C17orf67: variants seen among roughly 807,000 people sequenced by gnomAD.
The protein encoded by C17orf67 is uncharacterized protein C17orf67.
In C17orf67, 12 loss-of-function variants were observed where a neutral mutation model predicts 11.2. The observed-to-expected ratio is 1.07, with a 90% CI of 0.68 to 1.73. The LOEUF (loss-of-function observed/expected upper bound fraction) is 1.73, where lower values mean the gene tolerates loss of function less well. Ranked by LOEUF, C17orf67 falls within the 40% of genes most tolerant of loss-of-function variation. C17orf67 has a pLI of 0.00. For missense variants in C17orf67, 115 were observed against 113.5 expected (o/e 1.01, Z -0.06); for synonymous variants, 59 against 46.9 (o/e 1.26, Z -1.05).
At position 56,815,911 on chromosome 17, in the gene C17orf67, A is replaced by T; in HGVS notation, c.-101T>A. The T allele has an allele frequency of 6.3e-7, 1 of 1,591,262 alleles. No individual in the cohort carries two copies. The highest frequency in any genetic ancestry group is 8.6e-7 in the Non-Finnish European group (1 of 1,166,942). On this transcript the variant is annotated 5_prime_UTR_variant, in exon 5 of 8. Coordinates refer to ENST00000397861, the MANE Select transcript of C17orf67 (RefSeq NM_001085430.4). ...AGGCCCTGCGCTTGTTTATGCTTTG[A>T]CTAACGGGACTTACGGTATGATGCT...
rs1333044543 is a variant in C17orf67, at chr17:56,798,001, A to G, written c.157-2821T>C. 2.0e-5 allele frequency among the ~76,000 whole-genome samples: 3 copies of G among 152,164 alleles called. No individual in the cohort carries two copies. The East Asian group carries it at 5.8e-4, about 29-fold the overall frequency. On this transcript the variant is annotated intron_variant, in intron 6 of 7. Coordinates refer to ENST00000397861, the MANE Select transcript of C17orf67 (RefSeq NM_001085430.4). ...TATAAGCTCTCCTCCTTCCCTCTCC[A>G]TCTTCTAGTGCAATCTCTGGCCTAC...
intron 6 of C17orf67, among the ~76,000 whole-genome samples, chr17:56,798,375 T>C (rs944565909): frequency 1.3e-5 from 2 of 152,170 alleles, no homozygotes; most frequent in Non-Finnish European, 2.9e-5. Context: ...AGCAGAAATA[T>C]AGCATTCCCA....
intron 4 of C17orf67, among the ~76,000 whole-genome samples, chr17:56,823,986 A>G (rs1267996412): frequency 6.6e-6 from 1 of 152,256 alleles, no homozygotes; most frequent in African/African-American, 2.4e-5. Context: ...TGAGCCTGAT[A>G]CAAAAGCTTA....
At chr17:56,797,394 G>A (rs1370837830) in intron 6 of C17orf67, among the ~76,000 whole-genome samples, 6 of 152,064 alleles carry the variant, frequency 3.9e-5, no homozygotes, top group African/African-American at 1.4e-4. Context: ...GGAGGGAACA[G>A]GGAACAAACA....
intron 6 of C17orf67, among the ~76,000 whole-genome samples, chr17:56,797,600 T>C (rs376280128): frequency 3.3e-5 from 5 of 151,160 alleles, no homozygotes; most frequent in Non-Finnish European, 7.4e-5. Context: ...GAGTGGCAGG[T>C]GTGCTACCAC....
At chr17:56,802,894 T>A (rs1256226418) in intron 6 of C17orf67, among the ~76,000 whole-genome samples, 2 of 152,268 alleles carry the variant, frequency 1.3e-5, no homozygotes, top group Non-Finnish European at 2.9e-5. Flanking sequence ...AGACATTATT[T>A]GTCTTCCTGC....
chr17:56,824,581 C>T (rs1347615398), intron 4 of C17orf67, among the ~76,000 whole-genome samples, 158 bp downstream of exon 4: 2 of 152,206 alleles, frequency 1.3e-5, no homozygotes, highest in East Asian at 3.8e-4. Context: ...CCTTCCTCTT[C>T]AGCCATATTT....
intron 2 of C17orf67, among the ~76,000 whole-genome samples, chr17:56,826,887 T>C (rs1315858488): frequency 6.6e-6 from 1 of 152,200 alleles, no homozygotes; most frequent in African/African-American, 2.4e-5. Context: ...ACATGGTGCA[T>C]AGCAAGTGCA....
chr17:56,798,810 G>A (rs775291728), intron 6 of C17orf67, among the ~76,000 whole-genome samples: 35 of 152,064 alleles, frequency 2.3e-4, no homozygotes, highest in Non-Finnish European at 3.5e-4. Context: ...TCCAGCCCTC[G>A]GAGACAGTAC....
intron 5 of C17orf67, 89 bp downstream of exon 5, chr17:56,815,667 A>G: frequency 8.9e-7 from 1 of 1,120,884 alleles, no homozygotes; most frequent in Non-Finnish European, 1.2e-6. Flanking sequence ...TACACTATAT[A>G]TTATTTAAAA....
chr17:56,810,763 C>A (rs866495214), intron 6 of C17orf67, among the ~76,000 whole-genome samples: 1 of 152,236 alleles, frequency 6.6e-6, no homozygotes, highest in African/African-American at 2.4e-5. Context: ...CCAGGCTTAT[C>A]GGCTCCTCAC....
At chr17:56,828,665 G>A (rs1906107506) in intron 2 of C17orf67, among the ~76,000 whole-genome samples, 1 of 152,104 alleles carries the variant, frequency 6.6e-6, no homozygotes, top group East Asian at 1.9e-4. Flanking sequence ...GGGAGCTCTG[G>A]TGTGCCCAGT....
chr17:56,809,954 C>A (rs975270677), intron 6 of C17orf67, among the ~76,000 whole-genome samples: 3 of 145,960 alleles, frequency 2.1e-5, no homozygotes, highest in Admixed American at 6.8e-5. Context: ...CACACATACT[C>A]CTCACTCACC....
chr17:56,817,360 TAA>T (rs1294480770), intron 4 of C17orf67, among the ~76,000 whole-genome samples: 1 of 152,126 alleles, frequency 6.6e-6, no homozygotes, highest in Non-Finnish European at 1.5e-5. Context: ...ACAGTCAACA[TAA>T]AGATATTTTG....
chr17:56,822,173 G>A (rs937532979), intron 4 of C17orf67, among the ~76,000 whole-genome samples: 3 of 152,220 alleles, frequency 2.0e-5, no homozygotes, highest in African/African-American at 7.2e-5. Flanking sequence ...AAGACTAGGA[G>A]TGGTTTGTTT....
chr17:56,807,308 G>C (rs915778422), intron 6 of C17orf67, among the ~76,000 whole-genome samples: 1 of 152,220 alleles, frequency 6.6e-6, no homozygotes, highest in Non-Finnish European at 1.5e-5. Context: ...GAGATCAATT[G>C]TGTCAAAACA....
intron 6 of C17orf67, among the ~76,000 whole-genome samples, chr17:56,812,851 G>A (rs185517731): frequency 1.3e-5 from 2 of 152,290 alleles, no homozygotes; most frequent in African/African-American, 2.4e-5. Flanking sequence ...TTGAGCAGGG[G>A]AAGGACCACA....
chr17:56,831,515 C>G (rs1906200314), intron 2 of C17orf67, among the ~76,000 whole-genome samples: 1 of 152,170 alleles, frequency 6.6e-6, no homozygotes, highest in Admixed American at 6.5e-5. Flanking sequence ...GCAATCACAG[C>G]ATCAGCAAGG....
chr17:56,826,577 G>C (rs1439469932), intron 2 of C17orf67, among the ~76,000 whole-genome samples: 1 of 152,220 alleles, frequency 6.6e-6, no homozygotes. Context: ...ACTCAAAAGT[G>C]TGGTCCTGGA....
Sources: gnomAD v4.1 joint callset for allele counts (sites outside exome capture counted in the v4.1 genomes callset) on GRCh38, gnomAD v4.1.1 for gene constraint, MANE v1.5 for transcripts, NCBI Gene and HGNC (gene_info 2026-07-23, HGNC 2026-07-21) for gene names.